Variants in SLC6A16 observed in about 807,000 individuals in gnomAD.
SLC6A16 encodes the protein solute carrier family 6 member 16.
A neutral mutation model predicts 65.4 loss-of-function variants in SLC6A16; 54 were observed. The observed-to-expected ratio is 0.83, with a 90% CI of 0.66 to 1.04. The LOEUF (loss-of-function observed/expected upper bound fraction) is 1.04, where lower values mean the gene tolerates loss of function less well. SLC6A16 is among the 50% of genes least tolerant of loss of function. The probability of loss-of-function intolerance (pLI) is 0.00; values close to 1 mark genes in which losing one functional copy is unlikely to be tolerated. For missense variants in SLC6A16, 816 were observed against 914.0 expected, an observed-to-expected ratio of 0.89 and a Z score of 1.38; for synonymous variants, 330 against 346.5, an observed-to-expected ratio of 0.95 and a Z score of 0.53.
chr19:49,291,551 G>A (rs577548411), intron 10 of SLC6A16, among the ~76,000 whole-genome samples: 11 of 152,070 alleles, frequency 7.2e-5, no homozygotes, highest in Non-Finnish European at 1.3e-4. Flanking sequence ...GTCCATAAGT[G>A]AGCAAACTGA....
At chr19:49,321,560 A>AC (rs1452050528) in intron 1 of SLC6A16, among the ~76,000 whole-genome samples, 1 of 152,112 alleles carries the variant, frequency 6.6e-6, no homozygotes, top group East Asian at 1.9e-4. Context: ...ACATGGTGAA[A>AC]CCTGATCTCT....
intron 1 of SLC6A16, among the ~76,000 whole-genome samples, chr19:49,316,208 C>A (rs1970611029): frequency 1.3e-5 from 2 of 151,782 alleles, no homozygotes; most frequent in African/African-American, 4.8e-5. Context: ...GAGTAAAATC[C>A]TGGGAAGGTA....
intron 7 of SLC6A16, among the ~76,000 whole-genome samples, chr19:49,294,835 C>G (rs185668365): frequency 6.6e-6 from 1 of 152,046 alleles, no homozygotes; most frequent in African/African-American, 2.4e-5. Flanking sequence ...ATTTCTTATA[C>G]GCTGTCTACC....
chr19:49,325,906 G>A (rs2146189268), upstream of SLC6A16, among the ~76,000 whole-genome samples: 1 of 152,206 alleles, frequency 6.6e-6, no homozygotes, highest in African/African-American at 2.4e-5. Context: ...GCTGACGCCT[G>A]TAATCCCAGC....
At position 49,290,318 on chromosome 19, in the gene SLC6A16, G is replaced by A; in HGVS notation, c.2016C>T (p.Leu672=). ...LMITLFAIVI[L]PIPAYFVYCR... is the part of the protein sequence containing the mutation. Reference sequence around the variant, plus strand: ...AGTATACAAAGTATGCAGGGATGGGGAGGATGACAATGGCAAAAAGGGTGA... The same window carrying A: ...AGTATACAAAGTATGCAGGGATGGGAAGGATGACAATGGCAAAAAGGGTGA... The change falls in exon 12 of 12, where the codon CTC becomes CTT. Residue 672 remains leucine (L), a synonymous_variant. Transcript: ENST00000335875. The A allele has an allele frequency of 1.2e-6, 2 of 1,614,122 alleles. No individual in the cohort carries two copies. Among genetic ancestry groups the A allele is most frequent in the South Asian group, 1.1e-5 (1 of 91,066 alleles).
At position 49,321,271 on chromosome 19, in the gene SLC6A16, C is replaced by T. The variant is rs73588307; in HGVS notation, c.-65+3777G>A. ...AATGAAAGAAAAATAATGATTCTCT[C>T]AACTGATGCAGAAAAAACATTTGAC... On this transcript the variant is annotated intron_variant, in intron 1 of 11. Transcript: ENST00000335875. Among the ~76,000 whole-genome samples the T allele has an allele frequency of 8.3e-3, 1,256 of 151,302 alleles. 17 individuals are homozygous for T. The highest frequency in any genetic ancestry group is 0.028 in the African/African-American group (1,171 of 41,238).
intron 2 of SLC6A16, 46 bp downstream of exon 2, chr19:49,310,887 C>A (rs568286523): frequency 1.3e-5 from 18 of 1,390,094 alleles, no homozygotes; most frequent in Non-Finnish European, 1.5e-5. Flanking sequence ...AGGACTCTGT[C>A]CTGATTGCCC....
intron 7 of SLC6A16, among the ~76,000 whole-genome samples, chr19:49,297,232 A>C (rs1970202883): frequency 6.6e-6 from 1 of 151,924 alleles, no homozygotes; most frequent in Non-Finnish European, 1.5e-5. Flanking sequence ...TTCACCGCCC[A>C]AAAAAAACCC....
At chr19:49,302,079 G>A (rs1408180859) in intron 7 of SLC6A16, among the ~76,000 whole-genome samples, 1 of 152,192 alleles carries the variant, frequency 6.6e-6, no homozygotes, top group African/African-American at 2.4e-5. Flanking sequence ...CCTGCAGTTA[G>A]GCACAAGCTG....
chr19:49,331,188 CT>C, the SLC6A16 span, among the ~76,000 whole-genome samples: 2 of 151,792 alleles, frequency 1.3e-5, no homozygotes, highest in African/African-American at 2.4e-5. Context: ...TGGTGTTCCA[CT>C]TTTTTTTCCC....
chr19:49,293,123 C>A, intron 10 of SLC6A16, 100 bp downstream of exon 10: 2 of 1,020,182 alleles, frequency 2.0e-6, no homozygotes, highest in Non-Finnish European at 2.9e-6. Flanking sequence ...CTTAAGGGTC[C>A]CTATGTCACA....
At chr19:49,337,512 C>G in the SLC6A16 span, 1 of 712,360 alleles carries the variant, frequency 1.4e-6, no homozygotes, top group Non-Finnish European at 2.2e-6. Flanking sequence ...GTCCCAGCTA[C>G]TTGGGAGGTC....
intron 7 of SLC6A16, among the ~76,000 whole-genome samples, chr19:49,300,171 T>A (rs1398065501): frequency 2.0e-5 from 3 of 152,084 alleles, no homozygotes; most frequent in African/African-American, 7.2e-5. Flanking sequence ...ATCTTTGCAT[T>A]TTAGCAAAAT....
chr19:49,296,534 T>C (rs1970189854), intron 7 of SLC6A16, among the ~76,000 whole-genome samples: 1 of 152,340 alleles, frequency 6.6e-6, no homozygotes, highest in Non-Finnish European at 1.5e-5. Context: ...GGCAGCTTAA[T>C]AAGAAAAGGA....
chr19:49,296,213 C>T (rs956352882), intron 7 of SLC6A16, among the ~76,000 whole-genome samples: 6 of 152,116 alleles, frequency 3.9e-5, no homozygotes, highest in African/African-American at 1.2e-4. Context: ...TCTCAAACTC[C>T]GGACTTCAGG....
intron 1 of SLC6A16, among the ~76,000 whole-genome samples, 194 bp from the exon 2 acceptor site, chr19:49,311,605 T>G (rs1297859578): frequency 6.6e-6 from 1 of 152,046 alleles, no homozygotes; most frequent in East Asian, 1.9e-4. Context: ...TCCCAGCACT[T>G]TGGGAGGCCG....
At chr19:49,314,367 A>T (rs1239031011) in intron 1 of SLC6A16, among the ~76,000 whole-genome samples, 2 of 152,200 alleles carry the variant, frequency 1.3e-5, no homozygotes, top group African/African-American at 4.8e-5. Flanking sequence ...ATGTACAAGG[A>T]ACGATGAATT....
the SLC6A16 span, chr19:49,338,553 C>T: frequency 4.6e-6 from 3 of 658,414 alleles, no homozygotes; most frequent in African/African-American, 1.8e-5. This position sits in a 1 kb window ranked among gnomAD's most constrained non-coding sequence, Gnocchi z 5.0. Flanking sequence ...CCGGCCCCAT[C>T]GTGACCCCAG....
rs1014517660 is a variant in SLC6A16 at position 49,304,674 on chromosome 19, A to G, written c.1229+4202T>C. 1.6e-4 allele frequency among the ~76,000 whole-genome samples: 24 copies of G among 152,220 alleles called. 1 individual carries two copies. The highest frequency in any genetic ancestry group is 7.3e-5 in the Non-Finnish European group (5 of 68,040). On this transcript the variant is annotated intron_variant, in intron 7 of 11. Transcript: ENST00000335875. ...CAGCTACTCGGGAGGCTAAGGCAGG[A>G]GAATCGCTTGAACCTGGGATGTTCA...
Sources: gnomAD v4.1 joint callset for allele counts (sites outside exome capture counted in the v4.1 genomes callset) on GRCh38, gnomAD v4.1.1 for gene constraint, Gnocchi (gnomAD v3.1) non-coding constraint, MANE v1.5 for transcripts, NCBI Gene and HGNC (gene_info 2026-07-23, HGNC 2026-07-21) for gene names.